The following ERC2 variants were observed in gnomAD, a reference collection of about 807,000 sequenced individuals.
The protein encoded by ERC2 is ELKS/RAB6-interacting/CAST family member 2, also known as ERC protein 2.
Under a neutral mutation model 114.8 loss-of-function variants are expected in ERC2, and 42 were observed. The ratio of observed to expected loss-of-function variants is 0.37; its 90% confidence interval spans 0.29 to 0.47. ERC2 has a LOEUF of 0.47. Among genes scored for constraint, ERC2 ranks in the 20% least tolerant of loss-of-function variants. ERC2 has a pLI of 0.99. For synonymous variants in ERC2, 454 were observed against 425.5 expected (o/e 1.07, Z -0.82); for missense variants, 939 against 1,150.7 (o/e 0.82, Z 2.66).
chr3:55,962,802 T>G (rs1041741484), intron 12 of ERC2, among the ~76,000 whole-genome samples: 3 of 152,238 alleles, frequency 2.0e-5, no homozygotes, highest in Non-Finnish European at 2.9e-5. Flanking sequence ...ACCTCTATGC[T>G]ATGCCAACCA....
At chr3:56,390,333 A>G (rs1361384616) in intron 2 of ERC2, among the ~76,000 whole-genome samples, 1 of 152,196 alleles carries the variant, frequency 6.6e-6, no homozygotes, top group Non-Finnish European at 1.5e-5. Context: ...TATACCAAAA[A>G]TAGAATTTCA....
At chr3:55,687,714 C>T (rs1469285835) in intron 16 of ERC2, among the ~76,000 whole-genome samples, 4 of 152,142 alleles carry the variant, frequency 2.6e-5, no homozygotes, top group African/African-American at 9.7e-5. Context: ...AACTTCAAGC[C>T]CCAGGACTTT....
intron 6 of ERC2, among the ~76,000 whole-genome samples, chr3:56,086,025 T>C (rs2077483495): frequency 6.6e-6 from 1 of 152,114 alleles, no homozygotes; most frequent in East Asian, 1.9e-4. Context: ...TCTGTAATCA[T>C]GAGAGAGAGA....
intron 1 of ERC2, among the ~76,000 whole-genome samples, chr3:56,437,115 A>G (rs1352689509): frequency 6.6e-6 from 1 of 152,224 alleles, no homozygotes; most frequent in Non-Finnish European, 1.5e-5. Flanking sequence ...GGTGATAACA[A>G]ATGTGAAGTA....
chr3:55,591,539 T>C (rs1243804289), intron 17 of ERC2, among the ~76,000 whole-genome samples: 1 of 151,758 alleles, frequency 6.6e-6, no homozygotes, highest in Non-Finnish European at 1.5e-5. Flanking sequence ...CCAGGAGCTA[T>C]TTACGAGGAG....
chr3:55,660,411 G>A (rs1014787405), intron 17 of ERC2, among the ~76,000 whole-genome samples: 4 of 152,162 alleles, frequency 2.6e-5, no homozygotes, highest in African/African-American at 9.7e-5. Context: ...AGACCTCCAA[G>A]GATTTGAAGA....
chr3:56,118,759 C>G (rs1168801148), intron 6 of ERC2, among the ~76,000 whole-genome samples: 1 of 151,692 alleles, frequency 6.6e-6, no homozygotes, highest in Admixed American at 6.6e-5. Flanking sequence ...GCCTCAGCCT[C>G]CCGAGTAGCT....
chr3:55,831,987 G>A (rs577716639), intron 14 of ERC2, among the ~76,000 whole-genome samples: 1 of 152,220 alleles, frequency 6.6e-6, no homozygotes, highest in Non-Finnish European at 1.5e-5. Flanking sequence ...CTACGTCCAC[G>A]GAGTTTCACT....
At chr3:55,977,339 C>A (rs1414076556) in intron 12 of ERC2, among the ~76,000 whole-genome samples, 2 of 135,966 alleles carry the variant, frequency 1.5e-5, no homozygotes, top group Non-Finnish European at 3.2e-5. Context: ...TAACAAAAAC[C>A]ACCATTAGCC....
chr3:56,232,133 GC>G (rs1371739532), intron 3 of ERC2, among the ~76,000 whole-genome samples: 2 of 142,550 alleles, frequency 1.4e-5, no homozygotes, highest in Non-Finnish European at 3.1e-5. Flanking sequence ...ACCACTCCTG[GC>G]TTTTTTTTTT....
At chr3:55,813,885 C>T (rs1373324021) in intron 14 of ERC2, among the ~76,000 whole-genome samples, 3 of 152,140 alleles carry the variant, frequency 2.0e-5, no homozygotes, top group East Asian at 1.9e-4. Context: ...AACCACTCTC[C>T]TAGCCTTAGG....
At chr3:56,438,334 G>C (rs1427345758) in intron 1 of ERC2, among the ~76,000 whole-genome samples, 1 of 152,072 alleles carries the variant, frequency 6.6e-6, no homozygotes, top group Non-Finnish European at 1.5e-5. Context: ...CCTAATTCCT[G>C]TTTTTCCACT....
intron 6 of ERC2, among the ~76,000 whole-genome samples, chr3:56,111,222 C>T (rs1263239063): frequency 6.7e-6 from 1 of 148,996 alleles, no homozygotes; most frequent in Non-Finnish European, 1.5e-5. Flanking sequence ...AAGACCAATT[C>T]GTAGTTTAGA....
At chr3:55,776,105 CT>C (rs57672006) in intron 14 of ERC2, among the ~76,000 whole-genome samples, 47,069 of 150,866 alleles carry the variant, frequency 0.31, 8,441 homozygotes, top group African/African-American at 0.49. Flanking sequence ...CCAACACATA[CT>C]TTTTTTTTTC....
chr3:55,844,645 G>C (rs181714127), intron 14 of ERC2, among the ~76,000 whole-genome samples: 168 of 152,160 alleles, frequency 1.1e-3, no homozygotes, highest in Non-Finnish European at 1.8e-3. Context: ...AATGTACAAA[G>C]GTGAAGTCAT....
intron 2 of ERC2, among the ~76,000 whole-genome samples, chr3:56,311,298 T>C (rs1295178020): frequency 4.4e-5 from 6 of 137,790 alleles, no homozygotes; most frequent in Admixed American, 7.4e-5. Flanking sequence ...TATACACACA[T>C]ATATATAATT....
intron 16 of ERC2, among the ~76,000 whole-genome samples, chr3:55,684,345 CA>C (rs1298661822): frequency 1.3e-5 from 2 of 151,770 alleles, no homozygotes. Flanking sequence ...CACACAACTC[CA>C]TCTACTGGGG....
intron 3 of ERC2, among the ~76,000 whole-genome samples, chr3:56,248,720 A>T (rs1348972185): frequency 6.6e-6 from 1 of 152,186 alleles, no homozygotes; most frequent in Non-Finnish European, 1.5e-5. Context: ...GCAGTGCTGA[A>T]TTTTTTACAG....
intron 7 of ERC2, among the ~76,000 whole-genome samples, chr3:56,063,759 TAA>T (rs1264043265): frequency 6.6e-6 from 1 of 152,208 alleles, no homozygotes; most frequent in Non-Finnish European, 1.5e-5. Context: ...TGTCTGTGTA[TAA>T]AGTTTTTAAA....
Sources: allele counts gnomAD v4.1 joint callset (sites outside exome capture counted in the v4.1 genomes callset), GRCh38; gene constraint gnomAD v4.1.1; transcripts MANE v1.5; gene names NCBI Gene and HGNC (gene_info 2026-07-23, HGNC 2026-07-21).